Variants in TGM3 observed in about 807,000 individuals in gnomAD.
TGM3 encodes the protein transglutaminase 3, also known as protein-glutamine gamma-glutamyltransferase E.
In TGM3, 52 loss-of-function variants were observed where a neutral mutation model predicts 73.8. That is an observed-to-expected ratio of 0.70 (90% confidence interval 0.56 to 0.89). The LOEUF (loss-of-function observed/expected upper bound fraction) is 0.89, where lower values mean the gene tolerates loss of function less well. TGM3 is among the 40% of genes least tolerant of loss of function. The pLI, the probability that TGM3 is intolerant of heterozygous loss-of-function variation, is 0.00. For missense variants in TGM3, 928 were observed against 909.9 expected (o/e 1.02, Z -0.26); for synonymous variants, 372 against 354.9 (o/e 1.05, Z -0.54).
rs375529969 is a variant in TGM3 at position 2,328,159 on chromosome 20, G to A, written c.1127G>A (p.Arg376Gln). 4.6e-5 allele frequency: 74 copies of A among 1,614,044 alleles called. No homozygotes were observed. Among genetic ancestry groups the A allele is most frequent in the Middle Eastern group, 3.3e-4 (2 of 6,084 alleles). Residue 376 changes from arginine to glutamine, a missense_variant, in exon 9 of 13, where the codon CGA becomes CAA. Transcript: ENST00000381458. This position sits in a 1 kb window ranked among gnomAD's most constrained non-coding sequence, Gnocchi z 5.2. ...QCGPASVIGV[R>Q]EGDVQLNFDM... Reference sequence around the variant, plus strand: ...GGCCCCGCTTCGGTCATTGGTGTTCGAGAGGGTGATGTGCAGCTGAACTTC... The same window carrying A: ...GGCCCCGCTTCGGTCATTGGTGTTCAAGAGGGTGATGTGCAGCTGAACTTC...
chr20:2,307,436 C>A (rs903538877), intron 1 of TGM3, among the ~76,000 whole-genome samples: 2 of 152,202 alleles, frequency 1.3e-5, no homozygotes, highest in Non-Finnish European at 2.9e-5. Context: ...TTCTCTTGTG[C>A]CTTTGGGCCT....
rs1382817004 is a variant in TGM3, at chr20:2,316,293, T to G, written c.670-775T>G. Among the ~76,000 whole-genome samples the G allele has an allele frequency of 2.6e-5, 4 of 152,218 alleles. No homozygotes were observed. The East Asian group carries it at 7.7e-4, about 29-fold the overall frequency. On this transcript the variant is annotated intron_variant, in intron 5 of 12. Transcript: ENST00000381458. ...TAGTTGCTAAAGTTCTAAAGTGATC[T>G]TTTTGGCCGGGTGTGGTGGCTCACA...
At chr20:2,327,932 A>G (rs1398214000) in intron 8 of TGM3, among the ~76,000 whole-genome samples, 188 bp from the exon 9 acceptor site, 2 of 152,232 alleles carry the variant, frequency 1.3e-5, no homozygotes, top group East Asian at 3.8e-4. Flanking sequence ...GAGTTCGACC[A>G]GCAAGAGAAT....
At chr20:2,321,376 G>T (rs1348445777) in intron 7 of TGM3, among the ~76,000 whole-genome samples, 1 of 152,180 alleles carries the variant, frequency 6.6e-6, no homozygotes, top group Non-Finnish European at 1.5e-5. Context: ...CAGCACAGAG[G>T]TATTATTGGC....
chr20:2,304,444 T>C (rs1425291272), intron 1 of TGM3, among the ~76,000 whole-genome samples: 1 of 152,190 alleles, frequency 6.6e-6, no homozygotes, highest in Non-Finnish European at 1.5e-5. Context: ...TTGGAAGAGA[T>C]GTTTTCCTTC....
At chr20:2,300,236 A>AAAGAAAG (rs1555793860) in intron 1 of TGM3, among the ~76,000 whole-genome samples, 2 of 147,782 alleles carry the variant, frequency 1.4e-5, no homozygotes, top group Non-Finnish European at 3.0e-5. Context: ...AAGAAAGAAA[A>AAAGAAAG]AAAGAAAGAA....
chr20:2,310,558 G>A, intron 3 of TGM3, 141 bp downstream of exon 3: 1 of 1,371,654 alleles, frequency 7.3e-7, no homozygotes, highest in Non-Finnish European at 9.8e-7. Flanking sequence ...CTAGAAATGA[G>A]GAGCTCTGAC....
chr20:2,338,357 G>GA (rs923602925), intron 11 of TGM3, among the ~76,000 whole-genome samples: 8 of 151,190 alleles, frequency 5.3e-5, no homozygotes, highest in Admixed American at 3.3e-4. Flanking sequence ...ATTAAAAAAA[G>GA]AAAAAAAAGC....
chr20:2,334,743 A>G lies in TGM3; in HGVS notation c.1643-373A>G, dbSNP rs1284204752. On this transcript the variant is annotated intron_variant, in intron 10 of 12. Coordinates refer to ENST00000381458, the MANE Select transcript of TGM3 (RefSeq NM_003245.4). The surrounding 1 kb of genome is among the most constrained non-coding windows in gnomAD (Gnocchi z 4.0). ...AGGATCCCTTGAGTCCAGGAGTTTGAGACCAGCCTGGACAACATAGAGAGA... is the reference window on the plus strand; with the variant it reads ...AGGATCCCTTGAGTCCAGGAGTTTGGGACCAGCCTGGACAACATAGAGAGA... Among the ~76,000 whole-genome samples the G allele has an allele frequency of 1.3e-5, 2 of 152,170 alleles. No individual in the cohort carries two copies. Among genetic ancestry groups the G allele is most frequent in the Admixed American group, 6.5e-5 (1 of 15,278 alleles).
At position 2,328,313 on chromosome 20, in the gene TGM3, G is replaced by A. The variant is rs34742355; in HGVS notation, c.1281G>A (p.Ala427=). Residue 427 remains alanine, a synonymous_variant, in exon 9 of 13, where the codon GCG becomes GCA. Transcript: ENST00000381458. The surrounding 1 kb of genome is among the most constrained non-coding windows in gnomAD (Gnocchi z 5.2). ...HTIGRYISTK[A]VGSNARMDVT... is the part of the protein sequence containing the mutation. ...TTGGCAGGTACATCAGCACCAAGGC[G>A]GTGGGCAGCAATGCTCGCATGGACG... is the stretch of plus-strand genomic sequence containing the variant. The A allele has an allele frequency of 2.6e-4, 412 of 1,614,160 alleles. No homozygotes were observed. The highest frequency in any genetic ancestry group is 4.9e-4 in the Middle Eastern group (3 of 6,062).
At chr20:2,312,828 G>A in intron 4 of TGM3, 70 bp from the exon 5 acceptor site, 1 of 1,595,234 alleles carries the variant, frequency 6.3e-7, no homozygotes, top group Non-Finnish European at 8.6e-7. Context: ...TCTTGCCAGT[G>A]CAGTTCCCTT....
Position 2,340,591 on chromosome 20 carries a change from G to A in TGM3, c.*10G>A, listed in dbSNP as rs2084376543. 1 of 1,614,142 alleles carries A rather than the reference G, an allele frequency of 6.2e-7. No individual in the cohort carries two copies. The highest frequency in any genetic ancestry group is 1.1e-5 in the South Asian group (1 of 91,086). On this transcript the variant is annotated 3_prime_UTR_variant, in exon 13 of 13. Transcript: ENST00000381458. The stretch of plus-strand genomic sequence containing the variant: ...CGATGTAGCCGAATGAAGGGCGCTG[G>A]TGGCCTCCCGTACAAACTTGGACAA...
At chr20:2,305,055 C>T (rs1294259936) in intron 1 of TGM3, among the ~76,000 whole-genome samples, 1 of 152,204 alleles carries the variant, frequency 6.6e-6, no homozygotes. Context: ...AGCCCCCATG[C>T]CCCCCTCCCA....
intron 3 of TGM3, 51 bp from the exon 4 acceptor site, chr20:2,310,960 A>G: frequency 6.6e-7 from 1 of 1,510,038 alleles, no homozygotes. Context: ...AACGATCCCT[A>G]CAGTCCTCCG....
In TGM3 at chr20:2,340,588, C is replaced by T. The variant is rs928261877; in HGVS notation, c.*7C>T. 4 of 1,614,056 alleles carry T rather than the reference C, an allele frequency of 2.5e-6. No individual in the cohort carries two copies. In the African/African-American group the frequency reaches 4.0e-5, roughly 16 times the overall value. On this transcript the variant is annotated 3_prime_UTR_variant, in exon 13 of 13. Transcript: ENST00000381458. ...CATCGATGTAGCCGAATGAAGGGCG[C>T]TGGTGGCCTCCCGTACAAACTTGGA...
chr20:2,325,970 G>C lies in TGM3; in HGVS notation c.1087+18G>C. 2 of 1,578,202 alleles carry C rather than the reference G, an allele frequency of 1.3e-6. No homozygotes were observed. The highest frequency in any genetic ancestry group is 1.7e-6 in the Non-Finnish European group (2 of 1,160,032). ...AAGCCAAGGTAACTTCTCTGGGTGTGGTTCTGAGTCGTGAGCCTCACAGTT... is the reference window on the plus strand; with the variant it reads ...AAGCCAAGGTAACTTCTCTGGGTGTCGTTCTGAGTCGTGAGCCTCACAGTT... On this transcript the variant is annotated intron_variant, in intron 8 of 12. Coordinates refer to ENST00000381458, the MANE Select transcript of TGM3 (RefSeq NM_003245.4).
intron 8 of TGM3, among the ~76,000 whole-genome samples, chr20:2,326,817 C>T (rs982709468): frequency 2.0e-5 from 3 of 151,688 alleles, no homozygotes; most frequent in Admixed American, 6.6e-5. Flanking sequence ...CCGTGGCACT[C>T]CGGCCTGGGA....
intron 11 of TGM3, among the ~76,000 whole-genome samples, chr20:2,337,878 T>C (rs1291570426): frequency 6.6e-6 from 1 of 152,216 alleles, no homozygotes; most frequent in Non-Finnish European, 1.5e-5. Flanking sequence ...GATACTACAA[T>C]ATCTTTAGAA....
At chr20:2,307,459 G>A (rs138286179) in intron 1 of TGM3, among the ~76,000 whole-genome samples, 122 of 152,244 alleles carry the variant, frequency 8.0e-4, no homozygotes, top group Admixed American at 1.1e-3. Flanking sequence ...CCTTCCCACT[G>A]TCTAGAATGC....
Sources: allele counts gnomAD v4.1 joint callset (sites outside exome capture counted in the v4.1 genomes callset), GRCh38; gene constraint gnomAD v4.1.1; non-coding constraint Gnocchi (gnomAD v3.1); transcripts MANE v1.5; gene names NCBI Gene and HGNC (gene_info 2026-07-23, HGNC 2026-07-21).